The following RNF6 variants were observed in gnomAD, a reference collection of about 807,000 sequenced individuals.
RNF6 encodes E3 ubiquitin-protein ligase RNF6.
RNF6 carries 21 observed loss-of-function variants against 50.1 expected under a neutral mutation model. That is an observed-to-expected ratio of 0.42 (90% CI 0.30 to 0.60). The LOEUF (loss-of-function observed/expected upper bound fraction) is 0.60, where lower values mean the gene tolerates loss of function less well. RNF6 is among the 20% of genes least tolerant of loss of function. The pLI, the probability that RNF6 is intolerant of heterozygous loss-of-function variation, is 0.20. For synonymous variants in RNF6, 255 were observed against 291.8 expected (o/e 0.87, Z 1.29); for missense variants, 698 against 838.2 (o/e 0.83, Z 2.07).
chr13:26,189,333 A>C (rs1357931798), intron 5 of RNF6, among the ~76,000 whole-genome samples: 1 of 151,892 alleles, frequency 6.6e-6, no homozygotes, highest in Non-Finnish European at 1.5e-5. Context: ...ATCTCAAAAA[A>C]AACGCTTCCT....
intron 5 of RNF6, among the ~76,000 whole-genome samples, chr13:26,182,732 G>C (rs1873302031): frequency 6.6e-6 from 1 of 152,078 alleles, no homozygotes; most frequent in African/African-American, 2.4e-5. Flanking sequence ...TTGAGCCTGG[G>C]AGATCAAGGC....
At chr13:26,218,372 T>A (rs1870109727) in intron 4 of RNF6, 139 bp downstream of exon 4, 2 of 638,920 alleles carry the variant, frequency 3.1e-6, no homozygotes, top group South Asian at 1.9e-5. Flanking sequence ...GCTTTACTAC[T>A]CATATATATA....
intron 5 of RNF6, among the ~76,000 whole-genome samples, chr13:26,196,445 G>C (rs1868667843): frequency 6.6e-6 from 1 of 152,110 alleles, no homozygotes; most frequent in African/African-American, 2.4e-5. Flanking sequence ...GAGGTTAGGA[G>C]TTTCTGACCA....
rs186516423 is a variant in RNF6, at chr13:26,193,905, T to G, written n.768+21569A>C. On this transcript the variant is annotated intron_variant and non_coding_transcript_variant, in intron 5 of 5. Coordinates refer to the RNF6 transcript ENST00000468480. ...AGTGGTAGATGTAGTAGCACAAGCT[T>G]GTAGATGTTCTTGTGTAATTATTTC... Among the ~76,000 whole-genome samples, 26 of 152,310 alleles carry G rather than the reference T, an allele frequency of 1.7e-4. No individual in the cohort carries two copies. In the East Asian group the frequency reaches 4.6e-3, roughly 27 times the overall value.
At chr13:26,165,610 A>G (rs1469085652) in intron 5 of RNF6, among the ~76,000 whole-genome samples, 1 of 152,206 alleles carries the variant, frequency 6.6e-6, no homozygotes, top group Non-Finnish European at 1.5e-5. Context: ...GCCCAAGACC[A>G]TGGGAACCCA....
chr13:26,185,909 A>C (rs1472342609), intron 5 of RNF6, among the ~76,000 whole-genome samples: 1 of 152,226 alleles, frequency 6.6e-6, no homozygotes, highest in African/African-American at 2.4e-5. Context: ...ATATCTATTT[A>C]GAGAACACAC....
At chr13:26,205,823 G>A (rs1252462296) in intron 5 of RNF6, among the ~76,000 whole-genome samples, 1 of 152,168 alleles carries the variant, frequency 6.6e-6, no homozygotes, top group Non-Finnish European at 1.5e-5. Context: ...AGACCAGCCT[G>A]TCACATGTCG....
intron 5 of RNF6, among the ~76,000 whole-genome samples, chr13:26,157,389 AG>A (rs764637736): frequency 7.6e-4 from 115 of 152,290 alleles, no homozygotes; most frequent in Admixed American, 2.2e-3. Flanking sequence ...ACACAATGGC[AG>A]TGGGTGTAAT....
intron 5 of RNF6, among the ~76,000 whole-genome samples, chr13:26,186,307 T>C (rs1179586192): frequency 6.6e-6 from 1 of 152,184 alleles, no homozygotes; most frequent in Non-Finnish European, 1.5e-5. Context: ...CCAGGGCGCG[T>C]GGAGCTTTGA....
At chr13:26,143,444 T>A (rs1442542382) in intron 5 of RNF6, among the ~76,000 whole-genome samples, 1 of 152,142 alleles carries the variant, frequency 6.6e-6, no homozygotes. Context: ...AGTAGTGGAA[T>A]CATTGTTATG....
At chr13:26,134,550 C>T (rs1306950012) in intron 5 of RNF6, among the ~76,000 whole-genome samples, 13 of 151,574 alleles carry the variant, frequency 8.6e-5, no homozygotes, top group Non-Finnish European at 4.4e-5. Context: ...CTTCTTCTGT[C>T]GAAGCCCCAG....
intron 5 of RNF6, among the ~76,000 whole-genome samples, chr13:26,147,332 C>T (rs1871303489): frequency 6.6e-6 from 1 of 152,206 alleles, no homozygotes. Context: ...GGGGAAGATT[C>T]ATGAGGAGAA....
rs538972394 is a variant in RNF6 at position 26,173,200 on chromosome 13, T to C, written n.769-40749A>G. On this transcript the variant is annotated intron_variant and non_coding_transcript_variant, in intron 5 of 5. Transcript: ENST00000468480. The stretch of plus-strand genomic sequence containing the variant: ...AGGCTGTGCATGCCCCACAGTTCAG[T>C]ACCTCCACTGTAAGCTATAGCTTTA... Among the ~76,000 whole-genome samples the C allele has an allele frequency of 6.6e-5, 10 of 152,336 alleles. No individual in the cohort carries two copies. In the East Asian group the frequency reaches 9.7e-4, roughly 15 times the overall value.
intron 5 of RNF6, among the ~76,000 whole-genome samples, chr13:26,198,800 C>T (rs1489064814): frequency 1.3e-5 from 2 of 151,804 alleles, no homozygotes; most frequent in African/African-American, 4.8e-5. Context: ...AGAATATAAG[C>T]TCAAAATACA....
intron 5 of RNF6, among the ~76,000 whole-genome samples, chr13:26,191,614 C>T (rs1868461798): frequency 6.6e-6 from 1 of 152,148 alleles, no homozygotes; most frequent in Admixed American, 6.6e-5. Context: ...CAGTTCTCTC[C>T]TCACTCTCTT....
At chr13:26,217,558 C>G (rs1018543386) in intron 4 of RNF6, among the ~76,000 whole-genome samples, 23 of 152,200 alleles carry the variant, frequency 1.5e-4, no homozygotes, top group African/African-American at 5.5e-4. Context: ...CCAGCTAGAA[C>G]CTAGATATGG....
chr13:26,146,843 G>A (rs1177334593), intron 5 of RNF6, among the ~76,000 whole-genome samples: 5 of 152,146 alleles, frequency 3.3e-5, no homozygotes, highest in African/African-American at 1.2e-4. Flanking sequence ...TCCCAGTGTT[G>A]GAGGAGAGGC....
intron 5 of RNF6, among the ~76,000 whole-genome samples, chr13:26,204,113 T>C (rs371700626): frequency 5.2e-4 from 79 of 152,210 alleles, no homozygotes; most frequent in African/African-American, 1.7e-3. Context: ...CGTCAACAAG[T>C]GTTTCCCCAA....
At chr13:26,169,984 C>T (rs937413710) in intron 5 of RNF6, among the ~76,000 whole-genome samples, 45 of 152,182 alleles carry the variant, frequency 3.0e-4, no homozygotes, top group African/African-American at 1.0e-3. Flanking sequence ...TTGACATCTC[C>T]TAACCTAAAA....
Sources: allele counts gnomAD v4.1 joint callset (sites outside exome capture counted in the v4.1 genomes callset), GRCh38; gene constraint gnomAD v4.1.1; transcripts MANE v1.5; gene names NCBI Gene and HGNC (gene_info 2026-07-23, HGNC 2026-07-21).